The following PHACTR3 variants were observed in gnomAD, a reference collection of about 807,000 sequenced individuals.
PHACTR3 encodes phosphatase and actin regulator 3, also known as protein phosphatase 1, regulatory subunit 123.
A neutral mutation model predicts 66.8 loss-of-function variants in PHACTR3; 16 were observed. The ratio of observed to expected loss-of-function variants is 0.24; its 90% confidence interval spans 0.16 to 0.36. The LOEUF is 0.36. PHACTR3 is among the 10% of genes least tolerant of loss of function. The pLI is 1.00. For synonymous variants in PHACTR3, 323 were observed against 292.1 expected (o/e 1.11, Z -1.08); for missense variants, 647 against 719.9 (o/e 0.90, Z 1.16).
intron 7 of PHACTR3, among the ~76,000 whole-genome samples, chr20:59,785,218 C>A (rs1029843741): frequency 5.3e-5 from 8 of 152,146 alleles, no homozygotes; most frequent in Non-Finnish European, 1.0e-4. Flanking sequence ...TCCAGTGAGG[C>A]CTCTCTCTGT....
chr20:59,738,369 T>C lies in PHACTR3; in HGVS notation c.119-4738T>C, dbSNP rs1052938159. 6.9e-6 allele frequency among the ~76,000 whole-genome samples: 1 copy of C among 145,216 alleles called. No individual in the cohort carries two copies. Among genetic ancestry groups the C allele is most frequent in the African/African-American group, 2.7e-5 (1 of 37,682 alleles). On this transcript the variant is annotated intron_variant, in intron 1 of 12. Coordinates refer to ENST00000371015, the MANE Select transcript of PHACTR3 (RefSeq NM_080672.5). This position sits in a 1 kb window ranked among gnomAD's most constrained non-coding sequence, Gnocchi z 4.4. Reference sequence around the variant, plus strand: ...AGCAGAGCACAGAGAGCTGCACAAGTTTAGTGATTAACTTGGATTTTGTCC... The same window carrying C: ...AGCAGAGCACAGAGAGCTGCACAAGCTTAGTGATTAACTTGGATTTTGTCC...
intron 1 of PHACTR3, among the ~76,000 whole-genome samples, chr20:59,588,627 C>T (rs888999143): frequency 6.6e-6 from 1 of 152,214 alleles, no homozygotes; most frequent in African/African-American, 2.4e-5. Context: ...CTCCCGCCAT[C>T]TTCCCGGTAC....
intron 3 of PHACTR3, among the ~76,000 whole-genome samples, chr20:59,750,184 C>CACCCT (rs1281390098): frequency 6.6e-6 from 1 of 151,580 alleles, no homozygotes; most frequent in Non-Finnish European, 1.5e-5. Flanking sequence ...AAGGATGCAG[C>CACCCT]ACCCTAAGAT....
At position 59,746,505 on chromosome 20, in the gene PHACTR3, C is replaced by G. The variant is rs114974297; in HGVS notation, c.281-1253C>G. On this transcript the variant is annotated intron_variant, in intron 2 of 12. Transcript: ENST00000371015. ...ACCTGATCACCATGGCCTGTTCCCC[C>G]AGTGGAGCCCCACCTGTGAAGGCTG... 5.9e-3 allele frequency among the ~76,000 whole-genome samples: 906 copies of G among 152,376 alleles called. 7 individuals are homozygous for G. Among genetic ancestry groups the G allele is most frequent in the African/African-American group, 0.021 (859 of 41,586 alleles).
At chr20:59,806,507 G>A (rs2041575070) in intron 8 of PHACTR3, among the ~76,000 whole-genome samples, 1 of 152,234 alleles carries the variant, frequency 6.6e-6, no homozygotes, top group African/African-American at 2.4e-5. Context: ...GCCTGTAGCA[G>A]CCAGGCAAGG....
At chr20:59,826,156 C>T (rs1004148258) in intron 8 of PHACTR3, among the ~76,000 whole-genome samples, 1 of 115,804 alleles carries the variant, frequency 8.6e-6, no homozygotes, top group African/African-American at 3.3e-5. Flanking sequence ...TCAGCATGAC[C>T]AAAGGAGGAC....
At chr20:59,646,142 G>A (rs1435114506) in intron 1 of PHACTR3, among the ~76,000 whole-genome samples, 1 of 152,196 alleles carries the variant, frequency 6.6e-6, no homozygotes, top group African/African-American at 2.4e-5. Flanking sequence ...GAGGGAGGAA[G>A]TAAGGCTCAA....
rs1568940541 is a variant in PHACTR3, at chr20:59,622,988, A to AAAAAAAAAAAAAAAAAAC, written c.118+17869_118+17870insAAAACAAAAAAAAAAAAA. Reference sequence around the variant, plus strand: ...TTTTACAGCAGCTTTAACCAAAAAAAAAAAAAAAAAAAACCCAAATCTTCA... The same window carrying AAAAAAAAAAAAAAAAAAC: ...TTTTACAGCAGCTTTAACCAAAAAAAAAAAAAAAAAAAAAAAACAAAAAAAAAAAAACCCAAATCTTCA... On this transcript the variant is annotated intron_variant, in intron 1 of 12. Coordinates refer to ENST00000371015, the MANE Select transcript of PHACTR3 (RefSeq NM_080672.5). Among the ~76,000 whole-genome samples the AAAAAAAAAAAAAAAAAAC allele has an allele frequency of 7.6e-5, 11 of 143,818 alleles. No homozygotes were observed. The East Asian group carries it at 1.4e-3, about 18-fold the overall frequency. The allele number at this position is 143,818 out of a possible 152,430, so 94.4% of individuals were successfully genotyped here.
At chr20:59,631,658 C>T (rs1363763955) in intron 1 of PHACTR3, among the ~76,000 whole-genome samples, 1 of 152,164 alleles carries the variant, frequency 6.6e-6, no homozygotes, top group Non-Finnish European at 1.5e-5. Context: ...CTATTAACAC[C>T]AGTATTTCCC....
In PHACTR3 at chr20:59,829,175, C is replaced by T. The variant is rs943895146; in HGVS notation, c.1329-7330C>T. ...GCTTTGGACTCAGAGTGCCTGGAGT[C>T]ACATCCTCCCCGGCATCCCAGAAGT... is the stretch of plus-strand genomic sequence containing the variant. On this transcript the variant is annotated intron_variant, in intron 8 of 12. Coordinates refer to ENST00000371015, the MANE Select transcript of PHACTR3 (RefSeq NM_080672.5). This position sits in a 1 kb window ranked among gnomAD's most constrained non-coding sequence, Gnocchi z 4.2. Among the ~76,000 whole-genome samples the T allele has an allele frequency of 1.3e-5, 2 of 152,110 alleles. No individual in the cohort carries two copies. The highest frequency in any genetic ancestry group is 2.9e-5 in the Non-Finnish European group (2 of 68,000).
Position 59,605,103 on chromosome 20 carries a change from C to A in PHACTR3, c.89C>A (p.Thr30Asn). The A allele has an allele frequency of 2.9e-6, 4 of 1,394,582 alleles. No individual in the cohort carries two copies. The African/African-American group carries it at 6.0e-5, about 21-fold the overall frequency. 86.4% of individuals were successfully genotyped at this position (1,394,582 alleles called of 1,614,324 possible). ...DPSVLTDSSA[T>N]SSADAGENPD... Reference sequence around the variant, plus strand: ...AGCGTCCTCACCGACTCCTCGGCCACCTCCTCCGCGGACGCCGGGGAGAAC... The same window carrying A: ...AGCGTCCTCACCGACTCCTCGGCCAACTCCTCCGCGGACGCCGGGGAGAAC... Residue 30 changes from threonine (T) to asparagine (N), a missense_variant, in exon 1 of 13, where the codon ACC becomes AAC. By Grantham distance (65) the Thr-to-Asn change is moderately conservative. Around this residue, in one of 2 missense-constraint regions of PHACTR3, gnomAD observed 577 missense variants for 571.1 expected, o/e 1.01. Transcript: ENST00000371015.
chr20:59,598,749 C>T (rs2033393849), intron 1 of PHACTR3, among the ~76,000 whole-genome samples: 1 of 152,140 alleles, frequency 6.6e-6, no homozygotes, highest in Non-Finnish European at 1.5e-5. Flanking sequence ...AAGTGAAGTT[C>T]AAGGCTACGT....
chr20:59,660,933 G>T (rs2035785105), intron 1 of PHACTR3, among the ~76,000 whole-genome samples: 1 of 152,212 alleles, frequency 6.6e-6, no homozygotes, highest in South Asian at 2.1e-4. Context: ...CTTTCTATTT[G>T]TCCTTACATA....
At chr20:59,597,831 G>A (rs1490854437) in intron 1 of PHACTR3, among the ~76,000 whole-genome samples, 1 of 152,186 alleles carries the variant, frequency 6.6e-6, no homozygotes, top group Non-Finnish European at 1.5e-5. Flanking sequence ...GGCCCCACAG[G>A]CACTCCAGAG....
chr20:59,842,881 AGAGCAATC>A (rs771916895), intron 11 of PHACTR3, among the ~76,000 whole-genome samples: 46 of 152,132 alleles, frequency 3.0e-4, no homozygotes, highest in Non-Finnish European at 5.1e-4. Context: ...AGTCCTAGCC[AGAGCAATC>A]GAGCAACAGA....
At chr20:59,836,437 G>C in intron 8 of PHACTR3, 68 bp from the exon 9 acceptor site, 1 of 1,505,718 alleles carries the variant, frequency 6.6e-7, no homozygotes, top group East Asian at 2.4e-5. Context: ...TCTCATCCTT[G>C]CAGACCCCAG....
chr20:59,636,445 G>A (rs1264502173), intron 1 of PHACTR3, among the ~76,000 whole-genome samples: 1 of 152,154 alleles, frequency 6.6e-6, no homozygotes, highest in African/African-American at 2.4e-5. Flanking sequence ...GGTGGATGAG[G>A]GACATAGTCT....
rs186484120 is a variant in PHACTR3 at position 59,732,265 on chromosome 20, A to G, written c.119-10842A>G. Among the ~76,000 whole-genome samples, 395 of 152,298 alleles carry G rather than the reference A, an allele frequency of 2.6e-3. 2 individuals carry two copies. The highest frequency in any genetic ancestry group is 9.1e-3 in the African/African-American group (380 of 41,578). Reference sequence around the variant, plus strand: ...CTAGATGGTAAACTGAAGAGCAGAGAGGCTGCGGCAGACCTGCCATTTACC... The same window carrying G: ...CTAGATGGTAAACTGAAGAGCAGAGGGGCTGCGGCAGACCTGCCATTTACC... On this transcript the variant is annotated intron_variant, in intron 1 of 12. Transcript: ENST00000371015.
chr20:59,741,180 C>G (rs977955955), intron 1 of PHACTR3, among the ~76,000 whole-genome samples: 1 of 152,256 alleles, frequency 6.6e-6, no homozygotes, highest in Non-Finnish European at 1.5e-5. Context: ...TCCTGGGGCT[C>G]TGAGGTCTGC....
Sources: gnomAD v4.1 joint callset for allele counts (sites outside exome capture counted in the v4.1 genomes callset) on GRCh38, gnomAD v4.1.1 for gene constraint, gnomAD v4.1.1 regional missense constraint, Gnocchi (gnomAD v3.1) non-coding constraint, MANE v1.5 for transcripts, NCBI Gene and HGNC (gene_info 2026-07-23, HGNC 2026-07-21) for gene names.